The following SHC3 variants were observed in gnomAD, a reference collection of about 807,000 sequenced individuals.
SHC3 encodes SHC adaptor protein 3, also known as SHC-transforming protein 3.
SHC3 carries 15 observed loss-of-function variants against 60.4 expected under a neutral mutation model. The ratio of observed to expected loss-of-function variants is 0.25; its 90% CI spans 0.17 to 0.38. The LOEUF is 0.38. SHC3 is among the 10% of genes least tolerant of loss of function. The pLI is 1.00. For synonymous variants in SHC3, 294 were observed against 325.9 expected (o/e 0.90, Z 1.05); for missense variants, 677 against 786.1 (o/e 0.86, Z 1.66).
intron 7 of SHC3, among the ~76,000 whole-genome samples, chr9:89,051,667 C>T (rs148369992): frequency 1.2e-3 from 189 of 152,268 alleles, no homozygotes; most frequent in Non-Finnish European, 2.2e-3. Context: ...CTAATCGTAA[C>T]GACAAGGACA....
At chr9:89,115,251 C>T (rs1357626976) in intron 1 of SHC3, among the ~76,000 whole-genome samples, 1 of 152,142 alleles carries the variant, frequency 6.6e-6, no homozygotes, top group East Asian at 1.9e-4. Flanking sequence ...AATGACACAG[C>T]CAACTTTGCA....
At chr9:89,109,207 A>G in intron 2 of SHC3, 1 of 922,476 alleles carries the variant, frequency 1.1e-6, no homozygotes, top group Non-Finnish European at 1.3e-6. Flanking sequence ...CCATCCCCAA[A>G]TGAACTTGTG....
intron 1 of SHC3, among the ~76,000 whole-genome samples, chr9:89,114,515 G>A (rs969195061): frequency 7.9e-5 from 12 of 152,006 alleles, no homozygotes; most frequent in African/African-American, 2.7e-4. Context: ...ATTAGGTATC[G>A]TAAATAATCT....
At chr9:89,125,106 A>G (rs2118150408) in intron 1 of SHC3, among the ~76,000 whole-genome samples, 1 of 152,286 alleles carries the variant, frequency 6.6e-6, no homozygotes, top group Non-Finnish European at 1.5e-5. Context: ...AACAACTTAC[A>G]TGGGAGCTGT....
Position 89,021,375 on chromosome 9 carries a change from G to A in SHC3, c.1657-7800C>T, listed in dbSNP as rs75293554. On this transcript the variant is annotated intron_variant, in intron 11 of 11. Transcript: ENST00000375835. ...AAGAAGTCTTCACTCAGCTGCCAGA[G>A]TAGGGAGGCCAACACCACCGCACTC... Among the ~76,000 whole-genome samples the A allele has an allele frequency of 9.5e-3, 1,452 of 152,188 alleles. 25 individuals are homozygous for A. Among genetic ancestry groups the A allele is most frequent in the African/African-American group, 0.033 (1,363 of 41,496 alleles).
rs1021369793 is a variant in SHC3, at chr9:89,006,456, G to A, written c.*6991C>T. 5.3e-5 allele frequency: 8 copies of A among 152,208 alleles called. No homozygotes were observed. Among genetic ancestry groups the A allele is most frequent in the East Asian group, 3.8e-4 (2 of 5,202 alleles). 9.4% of individuals were successfully genotyped at this position (152,208 alleles called of 1,614,324 possible). On this transcript the variant is annotated 3_prime_UTR_variant, in exon 12 of 12. Coordinates refer to ENST00000375835, the MANE Select transcript of SHC3 (RefSeq NM_016848.6). ...TCCACTCCTCAGGGATGTCAAAAAA[G>A]CCAGTTCTGTTCCAGCACAAAGTAG...
intron 2 of SHC3, among the ~76,000 whole-genome samples, chr9:89,092,429 A>T (rs1825635389): frequency 6.6e-6 from 1 of 152,082 alleles, no homozygotes; most frequent in African/African-American, 2.4e-5. Flanking sequence ...CATCCTGGCT[A>T]ACACGGTGAA....
chr9:89,062,171 AAGGTTGCAGGGCATGGG>A (rs1328279677), intron 6 of SHC3, among the ~76,000 whole-genome samples: 2 of 152,208 alleles, frequency 1.3e-5, no homozygotes, highest in Non-Finnish European at 2.9e-5. Flanking sequence ...ATATATACAT[AAGGTTGCAGGGCATGGG>A]AGTCACCCGG....
In SHC3 at chr9:89,068,395, T is replaced by A. The variant is rs1017171080; in HGVS notation, c.783+2804A>T. 2.0e-5 allele frequency among the ~76,000 whole-genome samples: 3 copies of A among 152,246 alleles called. No homozygotes were observed. The East Asian group carries it at 5.8e-4, about 29-fold the overall frequency. ...CTGAGGCACTAAGCAATAAGTGACA[T>A]GTACACTTAGCAGGAGAACAAGGAC... On this transcript the variant is annotated intron_variant, in intron 5 of 11. Coordinates refer to ENST00000375835, the MANE Select transcript of SHC3 (RefSeq NM_016848.6).
At chr9:89,102,192 G>T (rs188992464) in intron 2 of SHC3, among the ~76,000 whole-genome samples, 1 of 152,090 alleles carries the variant, frequency 6.6e-6, no homozygotes, top group Non-Finnish European at 1.5e-5. Context: ...CCTGATATTG[G>T]TCATTTGAAC....
intron 1 of SHC3, among the ~76,000 whole-genome samples, chr9:89,114,759 C>T (rs1564155015): frequency 6.6e-6 from 1 of 152,028 alleles, no homozygotes; most frequent in Admixed American, 6.6e-5. Flanking sequence ...ACCAATGTTG[C>T]AGAGTTATAT....
intron 2 of SHC3, among the ~76,000 whole-genome samples, chr9:89,101,655 A>G (rs1427920189): frequency 1.3e-5 from 2 of 151,100 alleles, no homozygotes; most frequent in East Asian, 3.9e-4. Context: ...AATTACACTG[A>G]TTTTTTTTAA....
rs540054946 is a variant in SHC3, at chr9:89,008,224, T to C, written c.*5223A>G. 4.7e-4 allele frequency: 72 copies of C among 152,344 alleles called. No individual in the cohort carries two copies. The highest frequency in any genetic ancestry group is 1.6e-3 in the African/African-American group (68 of 41,582). 9.4% of individuals were successfully genotyped at this position (152,344 alleles called of 1,614,324 possible). ...AATAAATTATGGCTGGCAGATGGCA[T>C]TTAAGCTGCCAGCAATGGTTGCATG... On this transcript the variant is annotated 3_prime_UTR_variant, in exon 12 of 12. Coordinates refer to ENST00000375835, the MANE Select transcript of SHC3 (RefSeq NM_016848.6).
chr9:89,014,311 C>T (rs534382498), intron 11 of SHC3, among the ~76,000 whole-genome samples: 18 of 152,284 alleles, frequency 1.2e-4, no homozygotes, highest in Admixed American at 2.6e-4. Flanking sequence ...GTCCATCAGC[C>T]GCCTCCACTC....
At chr9:89,161,279 G>T (rs116071659) in intron 1 of SHC3, among the ~76,000 whole-genome samples, 6 of 152,084 alleles carry the variant, frequency 3.9e-5, no homozygotes, top group Non-Finnish European at 7.4e-5. Flanking sequence ...GTGAATTCTC[G>T]TGAGATCTGG....
At chr9:89,056,372 G>A (rs567523976) in intron 6 of SHC3, among the ~76,000 whole-genome samples, 1 of 152,192 alleles carries the variant, frequency 6.6e-6, no homozygotes, top group South Asian at 2.1e-4. Context: ...TCAGCCTCCC[G>A]AGTAGGTGGG....
intron 1 of SHC3, among the ~76,000 whole-genome samples, chr9:89,175,366 G>C (rs181320021): frequency 6.6e-6 from 1 of 152,322 alleles, no homozygotes; most frequent in Admixed American, 6.5e-5. Flanking sequence ...GAATTCTACT[G>C]TTGCTCAGGA....
chr9:89,062,732 T>C (rs1337526671), intron 6 of SHC3, among the ~76,000 whole-genome samples: 1 of 152,216 alleles, frequency 6.6e-6, no homozygotes, highest in Non-Finnish European at 1.5e-5. Context: ...AGCCCCAGTG[T>C]GGGGACTTTT....
chr9:89,028,704 C>CTATATATAT (rs1230315689), intron 11 of SHC3, among the ~76,000 whole-genome samples: 2 of 142,210 alleles, frequency 1.4e-5, no homozygotes, highest in African/African-American at 5.2e-5. Context: ...TCTATATATT[C>CTATATATAT]TATATATATC....
Sources: allele counts gnomAD v4.1 joint callset (sites outside exome capture counted in the v4.1 genomes callset), GRCh38; gene constraint gnomAD v4.1.1; transcripts MANE v1.5; gene names NCBI Gene and HGNC (gene_info 2026-07-23, HGNC 2026-07-21).